TDRD15: variants seen among roughly 807,000 people sequenced by gnomAD.
TDRD15 encodes tudor domain containing 15.
For synonymous variants in TDRD15, 503 were observed against 314.5 expected (o/e 1.60, Z -6.34); for missense variants, 1,416 against 904.7 (o/e 1.57, Z -7.25).
In TDRD15 at chr2:21,138,711, A is replaced by G; in HGVS notation, c.1244A>G (p.Lys415Arg). Residue 415 changes from lysine (K) to arginine (R), a missense_variant, in exon 4 of 4, where the codon AAG becomes AGG. Lys to Arg is a conservative substitution (Grantham distance 26, BLOSUM62 2). Transcript: ENST00000405799. ...ESTVNSKCLL[K>R]TVGTQVLCPM... ...ACAGTTAATTCTAAGTGTCTACTGA[A>G]GACTGTAGGCACACAAGTACTTTGT... The G allele has an allele frequency of 1.4e-6, 1 of 715,990 alleles. No homozygotes were observed. The allele number at this position is 715,990 out of a possible 1,614,324, so 44.4% of individuals were successfully genotyped here.
intron 1 of TDRD15, among the ~76,000 whole-genome samples, chr2:21,127,039 C>T (rs573410730): frequency 6.6e-5 from 10 of 152,194 alleles, no homozygotes; most frequent in South Asian, 4.1e-4. Flanking sequence ...TATCTTAGTG[C>T]GATTTAATTT....
In TDRD15 at chr2:21,141,268, A is replaced by C. The variant is rs899945188; in HGVS notation, c.3801A>C (p.Leu1267Phe). The C allele has an allele frequency of 7.0e-6, 5 of 712,326 alleles. No individual in the cohort carries two copies. The highest frequency in any genetic ancestry group is 7.8e-6 in the Non-Finnish European group (3 of 383,034). 44.1% of individuals were successfully genotyped at this position (712,326 alleles called of 1,614,324 possible). A position where few individuals can be genotyped will look rare whatever the true frequency, so the allele number is the denominator to read the frequency against. Residue 1267 changes from leucine to phenylalanine, a missense_variant, in exon 4 of 4, where the codon TTA becomes TTC. Transcript: ENST00000405799. ...TATCACAGTCTTTTATCAGAGCATT[A>C]AATCAAACAACCTCACAAAACCCAT... Reference protein sequence around the residue: ...KVVSQSFIRALNQTTSQNPYD... With the variant: ...KVVSQSFIRAFNQTTSQNPYD...
rs764392850 is a variant in TDRD15, at chr2:21,139,062, CT to C, written c.1596del (p.Glu533AsnfsTer47). On this transcript the variant is annotated frameshift_variant, in exon 4 of 4. Transcript: ENST00000405799. LOFTEE classifies it low-confidence loss of function (END_TRUNC). ...CENDEMILRK[P>X]EPGLFCCARY... ...AACGATGAAATGATTCTAAGAAAAC[CT>C]GAACCTGGATTATTTTGTTGTGCTA... is the stretch of plus-strand genomic sequence containing the variant. The C allele has an allele frequency of 1.4e-6, 1 of 715,030 alleles. No individual in the cohort carries two copies. Among genetic ancestry groups the C allele is most frequent in the African/African-American group, 1.8e-5 (1 of 57,042 alleles). 44.3% of individuals were successfully genotyped at this position (715,030 alleles called of 1,614,324 possible). A position where few individuals can be genotyped will look rare whatever the true frequency, so the allele number is the denominator to read the frequency against.
At chr2:21,127,573 C>G (rs1665623728) in intron 1 of TDRD15, 28 bp from the exon 2 acceptor site, 1 of 152,108 alleles carries the variant, frequency 6.6e-6, no homozygotes. Context: ...GGTTGAAAAT[C>G]ATTTTATCTT....
rs988809970 is a variant in TDRD15 at position 21,142,770 on chromosome 2, A to G, written c.5303A>G (p.Asp1768Gly). The G allele has an allele frequency of 5.6e-6, 4 of 714,616 alleles. No individual in the cohort carries two copies. Among genetic ancestry groups the G allele is most frequent in the African/African-American group, 1.7e-5 (1 of 57,222 alleles). The allele number at this position is 714,616 out of a possible 1,614,324, so 44.3% of individuals were successfully genotyped here. A position where few individuals can be genotyped will look rare whatever the true frequency, so the allele number is the denominator to read the frequency against. ...IMKYLFMLLS[D>G]LPETLQTLPQ... The stretch of plus-strand genomic sequence containing the variant: ...AAATACCTTTTTATGTTGCTTTCTG[A>G]TCTACCAGAGACCTTACAAACATTG... The change falls in exon 4 of 4, where the codon GAT becomes GGT. Residue 1768 changes from aspartate to glycine, a missense_variant. Transcript: ENST00000405799.
In TDRD15 at chr2:21,138,204, A is replaced by C. The variant is rs1665849295; in HGVS notation, c.737A>C (p.Lys246Thr). ...TCAGTAGGAAGTACTGAAAGTGTAAAGGTATCATCTGCATTGAGCCCAAGT... is the reference window on the plus strand; with the variant it reads ...TCAGTAGGAAGTACTGAAAGTGTAACGGTATCATCTGCATTGAGCCCAAGT... ...SLSVGSTESVKVSSALSPSKF... is the reference protein window; with the variant it reads ...SLSVGSTESVTVSSALSPSKF... The change falls in exon 4 of 4, where the codon AAG (lysine) becomes ACG (threonine). Residue 246 changes from lysine to threonine, a missense_variant. Lys to Thr is a moderately conservative substitution (Grantham distance 78, BLOSUM62 -1). Coordinates refer to ENST00000405799, the MANE Select transcript of TDRD15 (RefSeq NM_001306137.2). 1 of 716,648 alleles carries C rather than the reference A, an allele frequency of 1.4e-6. No homozygotes were observed. The highest frequency in any genetic ancestry group is 2.6e-6 in the Non-Finnish European group (1 of 384,488). 44.4% of individuals were successfully genotyped at this position (716,648 alleles called of 1,614,324 possible).
intron 2 of TDRD15, among the ~76,000 whole-genome samples, chr2:21,128,476 C>T (rs935136814): frequency 6.6e-6 from 1 of 151,970 alleles, no homozygotes; most frequent in Non-Finnish European, 1.5e-5. Flanking sequence ...GCGCCCGCCA[C>T]CACGCCTGGC....
At position 21,143,262 on chromosome 2, in the gene TDRD15, A is replaced by C. The variant is rs1408111709; in HGVS notation, c.5795A>C (p.Asn1932Thr). ...DAITATESAKNPI is the reference protein window; with the variant it reads ...DAITATESAKTPI The stretch of plus-strand genomic sequence containing the variant: ...ATTACTGCTACTGAATCTGCTAAAA[A>C]TCCAATATAAATTACAAAGTAAGCC... The change falls in exon 4 of 4, where the codon AAT becomes ACT. Residue 1932 changes from asparagine (N) to threonine (T), a missense_variant. By Grantham distance (65) the Asn-to-Thr change is moderately conservative (BLOSUM62 0). Coordinates refer to ENST00000405799, the MANE Select transcript of TDRD15 (RefSeq NM_001306137.2). 3.4e-6 allele frequency: 2 copies of C among 582,850 alleles called. No homozygotes were observed. The highest frequency in any genetic ancestry group is 5.9e-5 in the East Asian group (2 of 34,166). 36.1% of individuals were successfully genotyped at this position (582,850 alleles called of 1,614,324 possible).
intron 2 of TDRD15, among the ~76,000 whole-genome samples, chr2:21,133,802 A>G (rs1665760548): frequency 6.6e-6 from 1 of 152,082 alleles, no homozygotes; most frequent in Non-Finnish European, 1.5e-5. Context: ...ACATATAGCT[A>G]TTGAGCATTT....
chr2:21,136,306 C>T (rs1323777102), intron 3 of TDRD15, among the ~76,000 whole-genome samples: 2 of 151,908 alleles, frequency 1.3e-5, no homozygotes, highest in Non-Finnish European at 2.9e-5. Context: ...TATCTTTTTC[C>T]TCTGAGCTTT....
chr2:21,130,428 A>G (rs1665693745), intron 2 of TDRD15, among the ~76,000 whole-genome samples: 1 of 152,244 alleles, frequency 6.6e-6, no homozygotes, highest in Admixed American at 6.5e-5. Flanking sequence ...GAAGCAATAC[A>G]CATTCACTAG....
intron 2 of TDRD15, among the ~76,000 whole-genome samples, chr2:21,129,392 A>C (rs989309065): frequency 3.9e-5 from 6 of 152,190 alleles, no homozygotes; most frequent in Non-Finnish European, 8.8e-5. Flanking sequence ...TTGGTTTTTA[A>C]AATACAGTCA....
chr2:21,141,835 T>G lies in TDRD15; in HGVS notation c.4368T>G (p.Ile1456Met). The change falls in exon 4 of 4, where the codon ATT (isoleucine) becomes ATG (methionine). Residue 1456 changes from isoleucine (I) to methionine (M), a missense_variant. By Grantham distance (10) the Ile-to-Met change is conservative. Transcript: ENST00000405799. ...KHDQKWEVNM[I>M]CDEKCVINEL... is the part of the protein sequence containing the mutation. ...ATCAGAAATGGGAAGTAAATATGAT[T>G]TGTGATGAAAAATGTGTCATTAATG... 1 of 714,752 alleles carries G rather than the reference T, an allele frequency of 1.4e-6. No individual in the cohort carries two copies. Among genetic ancestry groups the G allele is most frequent in the Non-Finnish European group, 2.6e-6 (1 of 383,482 alleles). The allele number at this position is 714,752 out of a possible 1,614,324, so 44.3% of individuals were successfully genotyped here. A position where few individuals can be genotyped will look rare whatever the true frequency, so the allele number is the denominator to read the frequency against.
chr2:21,134,031 A>G (rs946622557), intron 2 of TDRD15, among the ~76,000 whole-genome samples: 2 of 152,064 alleles, frequency 1.3e-5, no homozygotes, highest in East Asian at 1.9e-4. Context: ...TACTTTATAT[A>G]TATGGCTCAA....
Position 21,143,963 on chromosome 2 carries a change from T to G in TDRD15, c.*691T>G, listed in dbSNP as rs1665989787. Among the ~76,000 whole-genome samples the G allele has an allele frequency of 6.6e-6, 1 of 151,844 alleles. No homozygotes were observed. Among genetic ancestry groups the G allele is most frequent in the South Asian group, 2.1e-4 (1 of 4,818 alleles). On this transcript the variant is annotated 3_prime_UTR_variant, in exon 4 of 4. Coordinates refer to ENST00000405799, the MANE Select transcript of TDRD15 (RefSeq NM_001306137.2). ...GACGTTTCACAAATAATTTCAAGGG[T>G]TTCATAAAACTCCTAAATGTCTGTA...
downstream of TDRD15, among the ~76,000 whole-genome samples, chr2:21,145,478 C>G (rs575565314): frequency 5.9e-5 from 9 of 151,930 alleles, no homozygotes; most frequent in South Asian, 1.9e-3. Context: ...GTCCCTGCTT[C>G]TATCTTATAG....
intron 2 of TDRD15, among the ~76,000 whole-genome samples, chr2:21,128,567 C>G (rs1665646159): frequency 6.6e-6 from 1 of 152,038 alleles, no homozygotes; most frequent in African/African-American, 2.4e-5. Context: ...CGCAATCCAC[C>G]CACCTCAGCC....
At position 21,139,651 on chromosome 2, in the gene TDRD15, C is replaced by A. The variant is rs547390600; in HGVS notation, c.2184C>A (p.Ile728=). Residue 728 remains isoleucine, a synonymous_variant, in exon 4 of 4, where the codon ATC becomes ATA. Coordinates refer to ENST00000405799, the MANE Select transcript of TDRD15 (RefSeq NM_001306137.2). The part of the protein sequence containing the change: ...LSLPKSLAVN[I]SEFKNPFTLS... ...TGCCAAAGTCCCTAGCTGTTAATAT[C>A]TCAGAATTTAAAAATCCTTTCACCT... 1.5e-5 allele frequency: 11 copies of A among 713,748 alleles called. No individual in the cohort carries two copies. In the African/African-American group the frequency reaches 1.9e-4, roughly 12 times the overall value. 44.2% of individuals were successfully genotyped at this position (713,748 alleles called of 1,614,324 possible). A position where few individuals can be genotyped will look rare whatever the true frequency, so the allele number is the denominator to read the frequency against.
In TDRD15 at chr2:21,143,595, A is replaced by G. The variant is rs1384272471; in HGVS notation, c.*323A>G. 6.6e-6 allele frequency among the ~76,000 whole-genome samples: 1 copy of G among 151,672 alleles called. No homozygotes were observed. Among genetic ancestry groups the G allele is most frequent in the Non-Finnish European group, 1.5e-5 (1 of 67,682 alleles). On this transcript the variant is annotated 3_prime_UTR_variant, in exon 4 of 4. Coordinates refer to ENST00000405799, the MANE Select transcript of TDRD15 (RefSeq NM_001306137.2). The stretch of plus-strand genomic sequence containing the variant: ...ACATTTTTGAAAAACTACCAACTGA[A>G]GGAATACAGGAAAATAAGACAATGA...
Sources: allele counts gnomAD v4.1 joint callset (sites outside exome capture counted in the v4.1 genomes callset), GRCh38; gene constraint gnomAD v4.1.1; transcripts MANE v1.5; gene names NCBI Gene and HGNC (gene_info 2026-07-23, HGNC 2026-07-21).